The following ZNF653 variants were observed in gnomAD, a reference collection of about 807,000 sequenced individuals.
ZNF653 encodes the protein zinc finger protein 653, also known as 67 kDa zinc finger protein.
ZNF653 carries 37 observed loss-of-function variants against 59.9 expected under a neutral mutation model. The observed-to-expected ratio is 0.62, with a 90% CI of 0.48 to 0.81. ZNF653 has a LOEUF of 0.81. Among genes scored for constraint, ZNF653 ranks in the 40% least tolerant of loss-of-function variants. The probability of loss-of-function intolerance (pLI) is 0.00; values close to 1 mark genes in which losing one functional copy is unlikely to be tolerated. For missense variants in ZNF653, 808 were observed against 881.1 expected (o/e 0.92, Z 1.05); for synonymous variants, 435 against 371.8 (o/e 1.17, Z -1.96).
At chr19:11,502,370 G>A (rs1971655843) in intron 1 of ZNF653, among the ~76,000 whole-genome samples, 1 of 152,256 alleles carries the variant, frequency 6.6e-6, no homozygotes, top group South Asian at 2.1e-4. Context: ...GGGATTACAG[G>A]CGTGAGCTAC....
At chr19:11,498,273 C>A in intron 2 of ZNF653, 23 bp downstream of exon 2, 2 of 1,613,912 alleles carry the variant, frequency 1.2e-6, no homozygotes, top group Non-Finnish European at 1.7e-6. Flanking sequence ...TCCCCACCTC[C>A]CCCAGGCTGA....
intron 1 of ZNF653, among the ~76,000 whole-genome samples, chr19:11,501,086 C>T (rs1047457927): frequency 6.6e-6 from 1 of 152,154 alleles, no homozygotes; most frequent in Non-Finnish European, 1.5e-5. Flanking sequence ...TCAGTCATTC[C>T]CACCAGCATC....
intron 3 of ZNF653, among the ~76,000 whole-genome samples, chr19:11,491,397 A>C (rs942659859): frequency 1.3e-5 from 2 of 152,202 alleles, no homozygotes; most frequent in African/African-American, 4.8e-5. Flanking sequence ...GATGAAAGGC[A>C]GTCTGCAGGA....
intron 3 of ZNF653, among the ~76,000 whole-genome samples, chr19:11,494,088 G>A (rs750284387): frequency 1.5e-4 from 23 of 151,674 alleles, no homozygotes; most frequent in Non-Finnish European, 2.8e-4. Context: ...TAGGGAGGCC[G>A]AGGCAGGAGG....
chr19:11,502,449 C>A (rs1971656794), intron 1 of ZNF653, among the ~76,000 whole-genome samples: 1 of 152,152 alleles, frequency 6.6e-6, no homozygotes. Flanking sequence ...GACTCATCAT[C>A]AGCTTTAACA....
Position 11,485,749 on chromosome 19 carries a change from G to A in ZNF653, c.1477C>T (p.Arg493Trp), listed in dbSNP as rs753662840. ...GGGCACACTTTGGTCTTTCCTTTCCGATGCACAAGATTGACGTGGTTCTGG... is the reference window on the plus strand; with the variant it reads ...GGGCACACTTTGGTCTTTCCTTTCCAATGCACAAGATTGACGTGGTTCTGG... Reference protein sequence around the residue: ...SFQNHVNLVHRKGKTKVCPHP... With the variant: ...SFQNHVNLVHWKGKTKVCPHP... Residue 493 changes from arginine (R) to tryptophan (W), a missense_variant, in exon 7 of 9, where the codon CGG becomes TGG. By Grantham distance (101) the Arg-to-Trp change is moderately radical (BLOSUM62 -3). Coordinates refer to ENST00000293771, the MANE Select transcript of ZNF653 (RefSeq NM_138783.4). 23 of 1,613,730 alleles carry A rather than the reference G, an allele frequency of 1.4e-5. No homozygotes were observed. Among genetic ancestry groups the A allele is most frequent in the South Asian group, 1.1e-5 (1 of 91,076 alleles).
chr19:11,505,774 C>A lies in ZNF653; in HGVS notation c.13G>T (p.Ala5Ser). The change falls in exon 1 of 9, where the codon GCG (alanine) becomes TCG (serine). Residue 5 changes from alanine to serine, a missense_variant. Transcript: ENST00000293771. MAER[A>S]LEPEAEAEAE... is the part of the protein sequence containing the mutation. ...TCCGCCTCCGCCTCGGGCTCTAGCG[C>A]CCGCTCCGCCATCCCCCCCACCCTG... is the stretch of plus-strand genomic sequence containing the variant. The A allele has an allele frequency of 7.1e-7, 1 of 1,407,862 alleles. No individual in the cohort carries two copies. The highest frequency in any genetic ancestry group is 2.6e-4 in the Middle Eastern group (1 of 3,898). 87.2% of individuals were successfully genotyped at this position (1,407,862 alleles called of 1,614,324 possible). A position where few individuals can be genotyped will look rare whatever the true frequency, so the allele number is the denominator to read the frequency against.
At chr19:11,500,572 G>T (rs656508) in intron 1 of ZNF653, 7,016 of 152,344 alleles carry the variant, frequency 0.046, 265 homozygotes, top group African/African-American at 0.1. Flanking sequence ...GACCTCAAGT[G>T]ATCTGCCTGC....
chr19:11,487,089 G>A lies in ZNF653; in HGVS notation c.1241C>T (p.Thr414Met), dbSNP rs199756281. ...CTCAGGCTCTGCGCTCTCAGGCACC[G>A]TTGTTGCCAGCTCCGGGGCTACTGG... is the stretch of plus-strand genomic sequence containing the variant. Reference protein sequence around the residue: ...EEPVAPELATTVPESAEPEAE... With the variant: ...EEPVAPELATMVPESAEPEAE... Residue 414 changes from threonine to methionine, a missense_variant, in exon 5 of 9, where the codon ACG becomes ATG. By Grantham distance (81) the Thr-to-Met change is moderately conservative. Transcript: ENST00000293771. The surrounding 1 kb of genome is among the most constrained non-coding windows in gnomAD (Gnocchi z 5.1). 1.4e-5 allele frequency: 23 copies of A among 1,613,906 alleles called. No individual in the cohort carries two copies. Among genetic ancestry groups the A allele is most frequent in the Middle Eastern group, 1.6e-4 (1 of 6,062 alleles).
chr19:11,488,840 C>T (rs1345594933), intron 3 of ZNF653, among the ~76,000 whole-genome samples: 1 of 152,024 alleles, frequency 6.6e-6, no homozygotes, highest in East Asian at 1.9e-4. Flanking sequence ...TTATGATCCG[C>T]CCACCTCGGC....
At position 11,486,817 on chromosome 19, in the gene ZNF653, G is replaced by C; in HGVS notation, c.1407C>G (p.Cys469Trp). 1 of 1,612,212 alleles carries C rather than the reference G, an allele frequency of 6.2e-7. No individual in the cohort carries two copies. Among genetic ancestry groups the C allele is most frequent in the East Asian group, 2.2e-5 (1 of 44,724 alleles). Reference sequence around the variant, plus strand: ...AGACTTGGCTGCAGCCCTCGTATGGGCAGTGGAACATCTCGAGCAGGCCGT... The same window carrying C: ...AGACTTGGCTGCAGCCCTCGTATGGCCAGTGGAACATCTCGAGCAGGCCGT... ...DADGLLEMFHCPYEGCSQVYV... is the reference protein window; with the variant it reads ...DADGLLEMFHWPYEGCSQVYV... The change falls in exon 6 of 9, where the codon TGC becomes TGG. Residue 469 changes from cysteine to tryptophan, a missense_variant. Physicochemically the swap from Cys to Trp is radical, Grantham distance 215. Transcript: ENST00000293771.
At position 11,486,995 on chromosome 19, in the gene ZNF653, C is replaced by A. The variant is rs752867523; in HGVS notation, c.1335G>T (p.Glu445Asp). Residue 445 changes from glutamate to aspartate, a missense_variant, in exon 5 of 9, where the codon GAG becomes GAT. Physicochemically the swap from Glu to Asp is conservative, Grantham distance 45 (BLOSUM62 2). Transcript: ENST00000293771. ...CCCGCCCCGGCACCCACTTCTCAGG[C>A]TCCTTGGGGATTTCATAGATGATGG... ...MSAIIYEIPK[E>D]PEKRRRSKRS... 1.2e-6 allele frequency: 2 copies of A among 1,613,814 alleles called. No homozygotes were observed. Among genetic ancestry groups the A allele is most frequent in the Admixed American group, 3.3e-5 (2 of 60,016 alleles).
In ZNF653 at chr19:11,501,604, C is replaced by G. The variant is rs146303115; in HGVS notation, c.300-3265G>C. On this transcript the variant is annotated intron_variant, in intron 1 of 8. Coordinates refer to ENST00000293771, the MANE Select transcript of ZNF653 (RefSeq NM_138783.4). Reference sequence around the variant, plus strand: ...CATCACGTCACACACTCTCCCATCACAGTCACCAGTGACGGCTTCACTCGG... The same window carrying G: ...CATCACGTCACACACTCTCCCATCAGAGTCACCAGTGACGGCTTCACTCGG... 1.4e-4 allele frequency among the ~76,000 whole-genome samples: 21 copies of G among 152,296 alleles called. 1 individual carries two copies. In the East Asian group the frequency reaches 4.0e-3, roughly 29 times the overall value.
intron 1 of ZNF653, 87 bp downstream of exon 1, chr19:11,505,401 G>A: frequency 7.7e-7 from 1 of 1,299,476 alleles, no homozygotes; most frequent in Non-Finnish European, 9.9e-7. Context: ...GCCGGGGGCT[G>A]GCCCTAGAAG....
At chr19:11,493,055 G>A (rs1387136740) in intron 3 of ZNF653, among the ~76,000 whole-genome samples, 2 of 150,018 alleles carry the variant, frequency 1.3e-5, no homozygotes, top group Middle Eastern at 3.3e-3. Flanking sequence ...CCCGGCCCTC[G>A]GGAGTGTTTT....
In ZNF653 at chr19:11,495,822, C is replaced by T; in HGVS notation, c.559+128G>A. Reference sequence around the variant, plus strand: ...CAGCCTGGCCCATCGTGTCCCTGCTCTGCCCCAGTGCCAGAGCCAGAGCCA... The same window carrying T: ...CAGCCTGGCCCATCGTGTCCCTGCTTTGCCCCAGTGCCAGAGCCAGAGCCA... On this transcript the variant is annotated intron_variant, in intron 3 of 8. Coordinates refer to ENST00000293771, the MANE Select transcript of ZNF653 (RefSeq NM_138783.4). The surrounding 1 kb of genome is among the most constrained non-coding windows in gnomAD (Gnocchi z 4.9). The T allele has an allele frequency of 1.0e-6, 1 of 987,494 alleles. No individual in the cohort carries two copies. Among genetic ancestry groups the T allele is most frequent in the South Asian group, 1.6e-5 (1 of 63,332 alleles). 61.2% of individuals were successfully genotyped at this position (987,494 alleles called of 1,614,324 possible).
In ZNF653 at chr19:11,486,896, C is replaced by A. The variant is rs112316419; in HGVS notation, c.1344-16G>T. On this transcript the variant is annotated splice_polypyrimidine_tract_variant and intron_variant, in intron 5 of 8. Coordinates refer to ENST00000293771, the MANE Select transcript of ZNF653 (RefSeq NM_138783.4). ...CCGCCGCCTCCTGGAGGGGAAGGGG[C>A]CATGACATCGGGGCTCCCGCACCAG... is the stretch of plus-strand genomic sequence containing the variant. 6.2e-7 allele frequency: 1 copy of A among 1,610,468 alleles called. No homozygotes were observed. Among genetic ancestry groups the A allele is most frequent in the East Asian group, 2.2e-5 (1 of 44,570 alleles).
intron 1 of ZNF653, among the ~76,000 whole-genome samples, chr19:11,501,952 G>A (rs1169504028): frequency 1.3e-5 from 2 of 151,418 alleles, no homozygotes; most frequent in Non-Finnish European, 2.9e-5. Flanking sequence ...GTGCCACCAC[G>A]CCCAGCTAAT....
chr19:11,490,648 C>A (rs1971520451), intron 3 of ZNF653, among the ~76,000 whole-genome samples: 1 of 152,080 alleles, frequency 6.6e-6, no homozygotes, highest in Non-Finnish European at 1.5e-5. Context: ...CCGCCTTGGC[C>A]TCCCAAAGTG....
Sources: gnomAD v4.1 joint callset for allele counts (sites outside exome capture counted in the v4.1 genomes callset) on GRCh38, gnomAD v4.1.1 for gene constraint, Gnocchi (gnomAD v3.1) non-coding constraint, MANE v1.5 for transcripts, NCBI Gene and HGNC (gene_info 2026-07-23, HGNC 2026-07-21) for gene names.